Variants in DLC1 observed in about 807,000 individuals in gnomAD.
The protein encoded by DLC1 is DLC1 Rho GTPase activating protein, also known as rho GTPase-activating protein 7.
DLC1 carries 54 observed loss-of-function variants against 140.3 expected under a neutral mutation model. The ratio of observed to expected loss-of-function variants is 0.38; its 90% CI spans 0.31 to 0.48. The LOEUF is 0.48. Among genes scored for constraint, DLC1 ranks in the 20% least tolerant of loss-of-function variants. DLC1 has a pLI of 0.96. For synonymous variants in DLC1, 986 were observed against 728.1 expected (o/e 1.35, Z -5.70); for missense variants, 2,536 against 1,907.0 (o/e 1.33, Z -6.14).
chr8:13,567,972 G>C (rs1157710203), intron 1 of DLC1: 13 of 1,498,310 alleles, frequency 8.7e-6, no homozygotes, highest in Non-Finnish European at 1.1e-5. Context: ...TGTCTTTGTT[G>C]TGTATTTGAG....
In DLC1 at chr8:13,270,525, G is replaced by C. The variant is rs77926273; in HGVS notation, c.1348+34744C>G. ...TTCAAAGCAGGTCCCAACGTGCTTA[G>C]GAAAACTTTCAGATATCGTATATCT... is the stretch of plus-strand genomic sequence containing the variant. On this transcript the variant is annotated intron_variant, in intron 5 of 17. Coordinates refer to ENST00000276297, the MANE Select transcript of DLC1 (RefSeq NM_182643.3). Among the ~76,000 whole-genome samples the C allele has an allele frequency of 6.0e-3, 918 of 152,210 alleles. 11 individuals are homozygous for C. Among genetic ancestry groups the C allele is most frequent in the African/African-American group, 0.021 (871 of 41,536 alleles).
chr8:13,126,368 TAC>T (rs3065349), intron 5 of DLC1, among the ~76,000 whole-genome samples: 16,855 of 145,072 alleles, frequency 0.12, 970 homozygotes, highest in Middle Eastern at 0.21. Flanking sequence ...TCTCTATCCA[TAC>T]ACACACACAC....
At chr8:13,427,978 G>A (rs1255765929) in intron 2 of DLC1, among the ~76,000 whole-genome samples, 1 of 152,180 alleles carries the variant, frequency 6.6e-6, no homozygotes, top group Admixed American at 6.5e-5. Context: ...CAGTTACGGT[G>A]TTCCAGTTTG....
At chr8:13,456,509 G>A (rs1209597092) in intron 2 of DLC1, among the ~76,000 whole-genome samples, 1 of 151,556 alleles carries the variant, frequency 6.6e-6, no homozygotes, top group Admixed American at 6.6e-5. Context: ...ACCCAGAGTG[G>A]AGCGCAGGGC....
chr8:13,508,093 A>G (rs1802184842), intron 1 of DLC1, among the ~76,000 whole-genome samples: 1 of 152,216 alleles, frequency 6.6e-6, no homozygotes, highest in South Asian at 2.1e-4. Context: ...CAAAACTGCA[A>G]GCTATTATTT....
chr8:13,118,008 T>C (rs982811224), intron 5 of DLC1, among the ~76,000 whole-genome samples: 31 of 20,424 alleles, frequency 1.5e-3, no homozygotes, highest in Admixed American at 4.6e-3. Context: ...CTCTTTCTTT[T>C]TTTTTTTTTT....
chr8:13,563,766 A>G (rs931218549), intron 1 of DLC1, among the ~76,000 whole-genome samples: 1 of 152,226 alleles, frequency 6.6e-6, no homozygotes, highest in Non-Finnish European at 1.5e-5. Context: ...CTAAAGGAAT[A>G]ATTTTTCATA....
intron 5 of DLC1, among the ~76,000 whole-genome samples, chr8:13,154,481 G>C (rs1273358894): frequency 2.0e-5 from 3 of 152,238 alleles, no homozygotes; most frequent in African/African-American, 7.2e-5. Flanking sequence ...GTGCCGGCCA[G>C]CTGCTCCGAG....
intron 2 of DLC1, among the ~76,000 whole-genome samples, chr8:13,459,574 G>C (rs1411318244): frequency 6.6e-6 from 1 of 152,118 alleles, no homozygotes; most frequent in Non-Finnish European, 1.5e-5. Context: ...GTTCCAATGG[G>C]GGCAGGGGCT....
chr8:13,085,641 C>A lies in DLC1; in HGVS notation c.*170G>T. 1 of 967,766 alleles carries A rather than the reference C, an allele frequency of 1.0e-6. No individual in the cohort carries two copies. The highest frequency in any genetic ancestry group is 1.4e-6 in the Non-Finnish European group (1 of 692,628). 59.9% of individuals were successfully genotyped at this position (967,766 alleles called of 1,614,324 possible). A position where few individuals can be genotyped will look rare whatever the true frequency, so the allele number is the denominator to read the frequency against. On this transcript the variant is annotated 3_prime_UTR_variant, in exon 18 of 18. Transcript: ENST00000276297. Reference sequence around the variant, plus strand: ...AAGGTCTATGAATACAGACCCTCAACAAACAGGAAGCAGCTTTAAAAATGT... The same window carrying A: ...AAGGTCTATGAATACAGACCCTCAAAAAACAGGAAGCAGCTTTAAAAATGT...
rs192601604 is a variant in DLC1 at position 13,335,645 on chromosome 8, A to G, written c.1315-30343T>C. Among the ~76,000 whole-genome samples, 791 of 152,286 alleles carry G rather than the reference A, an allele frequency of 5.2e-3. 10 individuals carry two copies. The highest frequency in any genetic ancestry group is 0.018 in the African/African-American group (755 of 41,566). Reference sequence around the variant, plus strand: ...AAGCTGATGGAAACCCCTGTCCTTCATAAGAGTAGATCTCCAAGAAGTGTA... The same window carrying G: ...AAGCTGATGGAAACCCCTGTCCTTCGTAAGAGTAGATCTCCAAGAAGTGTA... On this transcript the variant is annotated intron_variant, in intron 4 of 17. Coordinates refer to ENST00000276297, the MANE Select transcript of DLC1 (RefSeq NM_182643.3).
chr8:13,155,364 G>GAAAAA (rs112251278), intron 5 of DLC1, among the ~76,000 whole-genome samples: 3 of 150,052 alleles, frequency 2.0e-5, no homozygotes, highest in Non-Finnish European at 1.5e-5. Flanking sequence ...AAAAGCAAAT[G>GAAAAA]AAAAATAAAA....
At chr8:13,592,350 T>C (rs1805541536) in intron 1 of DLC1, among the ~76,000 whole-genome samples, 2 of 152,060 alleles carry the variant, frequency 1.3e-5, no homozygotes, top group African/African-American at 4.8e-5. Context: ...TTGTATTTTG[T>C]TTGTTTCGTT....
chr8:13,403,955 T>G (rs1269470604), intron 2 of DLC1, among the ~76,000 whole-genome samples: 1 of 151,876 alleles, frequency 6.6e-6, no homozygotes, highest in Admixed American at 6.6e-5. Context: ...ATGCATATTG[T>G]GAATCAAACA....
intron 5 of DLC1, among the ~76,000 whole-genome samples, chr8:13,265,793 T>G (rs1830663432): frequency 6.6e-6 from 1 of 151,686 alleles, no homozygotes; most frequent in Non-Finnish European, 1.5e-5. Context: ...AATGTTTTAA[T>G]TTAAATTAAT....
chr8:13,366,724 C>T (rs988882993), intron 4 of DLC1, among the ~76,000 whole-genome samples: 2 of 152,180 alleles, frequency 1.3e-5, no homozygotes, highest in Non-Finnish European at 2.9e-5. Context: ...CCTCTCAGGA[C>T]TCAGTGAAGG....
At chr8:13,547,874 G>A (rs190338165) in intron 1 of DLC1, among the ~76,000 whole-genome samples, 191 of 130,474 alleles carry the variant, frequency 1.5e-3, no homozygotes, top group African/African-American at 5.1e-3. Context: ...CCCATTTCAC[G>A]CGTTTCCTTT....
chr8:13,229,196 A>G (rs1205970758), intron 5 of DLC1, among the ~76,000 whole-genome samples: 1 of 152,226 alleles, frequency 6.6e-6, no homozygotes, highest in Admixed American at 6.5e-5. Context: ...CACCAACTGG[A>G]CATTTGGATA....
At chr8:13,372,008 C>T (rs947617315) in intron 4 of DLC1, among the ~76,000 whole-genome samples, 1 of 152,154 alleles carries the variant, frequency 6.6e-6, no homozygotes, top group African/African-American at 2.4e-5. Context: ...GCCAGATCCT[C>T]TTGAAAATGC....
Sources: gnomAD v4.1 joint callset for allele counts (sites outside exome capture counted in the v4.1 genomes callset) on GRCh38, gnomAD v4.1.1 for gene constraint, MANE v1.5 for transcripts, NCBI Gene and HGNC (gene_info 2026-07-23, HGNC 2026-07-21) for gene names.